PPP2R5C: variants seen among roughly 807,000 people sequenced by gnomAD.
PPP2R5C encodes serine/threonine-protein phosphatase 2A 56 kDa regulatory subunit gamma isoform.
PPP2R5C carries 7 observed loss-of-function variants against 68.9 expected under a neutral mutation model. That is an observed-to-expected ratio of 0.10 (90% CI 0.06 to 0.19). The LOEUF (loss-of-function observed/expected upper bound fraction) is 0.19, where lower values mean the gene tolerates loss of function less well. Ranked by LOEUF, PPP2R5C falls within the 10% of genes least tolerant of loss-of-function variation. The pLI, the probability that PPP2R5C is intolerant of heterozygous loss-of-function variation, is 1.00. For missense variants in PPP2R5C, 348 were observed against 641.3 expected (o/e 0.54, Z 4.94); for synonymous variants, 210 against 222.2 (o/e 0.95, Z 0.49).
At chr14:101,846,306 T>G (rs943899304) in intron 1 of PPP2R5C, among the ~76,000 whole-genome samples, 1 of 152,118 alleles carries the variant, frequency 6.6e-6, no homozygotes, top group African/African-American at 2.4e-5. Context: ...TCATCACACC[T>G]AAGGCACTGT....
At chr14:101,830,321 G>T (rs1241563969) in intron 1 of PPP2R5C, among the ~76,000 whole-genome samples, 1 of 152,172 alleles carries the variant, frequency 6.6e-6, no homozygotes, top group African/African-American at 2.4e-5. Context: ...ACTCTACACT[G>T]CTGTCTCCAG....
intron 2 of PPP2R5C, among the ~76,000 whole-genome samples, chr14:101,875,188 C>T (rs1007422811): frequency 1.3e-5 from 2 of 152,114 alleles, no homozygotes; most frequent in Admixed American, 6.6e-5. Flanking sequence ...GAGGTGAAAT[C>T]GATTCTTTGA....
intron 2 of PPP2R5C, chr14:101,765,113 C>T (rs1042421603): frequency 1.4e-6 from 1 of 702,162 alleles, no homozygotes; most frequent in Admixed American, 2.0e-5. Context: ...CCTGCAGTGC[C>T]TGAGTATGAT....
intron 1 of PPP2R5C, among the ~76,000 whole-genome samples, chr14:101,849,573 G>A (rs2042026604): frequency 8.2e-6 from 1 of 122,034 alleles, no homozygotes. Context: ...TTCTGGATAT[G>A]AGTCTATTGG....
intron 2 of PPP2R5C, among the ~76,000 whole-genome samples, chr14:101,867,544 G>A (rs1305508637): frequency 2.0e-5 from 3 of 152,176 alleles, no homozygotes; most frequent in Non-Finnish European, 4.4e-5. Context: ...TTGGGAAGCC[G>A]AGGCAGGTGG....
intron 1 of PPP2R5C, 113 bp from the exon 4 acceptor site, chr14:101,856,572 CT>C (rs1249875750): frequency 9.5e-7 from 1 of 1,051,576 alleles, no homozygotes; most frequent in Non-Finnish European, 1.4e-6. Flanking sequence ...CACCCATCTC[CT>C]TTTTTCTTGA....
chr14:101,820,410 G>C (rs1416470769), intron 1 of PPP2R5C: 1 of 152,226 alleles, frequency 6.6e-6, no homozygotes, highest in Non-Finnish European at 1.5e-5. Flanking sequence ...TGTTCTCAGT[G>C]ACCAACGAAC....
intron 1 of PPP2R5C, among the ~76,000 whole-genome samples, chr14:101,827,752 A>T (rs1411619516): frequency 6.6e-6 from 1 of 152,154 alleles, no homozygotes; most frequent in Non-Finnish European, 1.5e-5. Flanking sequence ...TAAGGAGGGC[A>T]CCCCAGACAC....
At chr14:101,792,955 G>C (rs550699820) in intron 3 of PPP2R5C, among the ~76,000 whole-genome samples, 1 of 150,958 alleles carries the variant, frequency 6.6e-6, no homozygotes, top group Non-Finnish European at 1.5e-5. Context: ...TTGGCTCCCT[G>C]CAGCCTCCGC....
At chr14:101,925,974 G>C (rs2047276019) in exon 14 of PPP2R5C, 2 of 152,576 alleles carry the variant, frequency 1.3e-5, no homozygotes, top group African/African-American at 4.8e-5. Context: ...TATTTTAAAA[G>C]AGATTGCTCT....
chr14:101,812,291 G>A (rs1029749085), intron 1 of PPP2R5C, among the ~76,000 whole-genome samples: 2 of 152,176 alleles, frequency 1.3e-5, no homozygotes, highest in Admixed American at 6.5e-5. Context: ...GCTCTGCCAC[G>A]AGAGGGCTAA....
chr14:101,792,354 A>C (rs563341240), intron 3 of PPP2R5C, among the ~76,000 whole-genome samples: 107 of 152,332 alleles, frequency 7.0e-4, no homozygotes, highest in African/African-American at 2.5e-3. Flanking sequence ...GCATCCTACC[A>C]ATGTGTATTC....
rs1236471260 is a variant in PPP2R5C, at chr14:101,882,610, C to T, written c.405+339C>T. 1 of 193,438 alleles carries T rather than the reference C, an allele frequency of 5.2e-6. No individual in the cohort carries two copies. Among genetic ancestry groups the T allele is most frequent in the Non-Finnish European group, 1.1e-5 (1 of 95,072 alleles). 12.0% of individuals were successfully genotyped at this position (193,438 alleles called of 1,614,324 possible). A position where few individuals can be genotyped will look rare whatever the true frequency, so the allele number is the denominator to read the frequency against. On this transcript the variant is annotated intron_variant, in intron 3 of 13. Coordinates refer to ENST00000334743, the Ensembl canonical transcript of PPP2R5C. The surrounding 1 kb of genome is among the most constrained non-coding windows in gnomAD (Gnocchi z 4.9). ...TCATATTTAATAGGTGCCTGCTGGGCCCCCAGGTCCTGCGCTGGCCACTGC... is the reference window on the plus strand; with the variant it reads ...TCATATTTAATAGGTGCCTGCTGGGTCCCCAGGTCCTGCGCTGGCCACTGC...
At chr14:101,787,361 G>A (rs1182238121) in intron 3 of PPP2R5C, among the ~76,000 whole-genome samples, 1 of 151,974 alleles carries the variant, frequency 6.6e-6, no homozygotes, top group African/African-American at 2.4e-5. Flanking sequence ...TTGCCAGGTG[G>A]AAGGAGGAAG....
chr14:101,784,513 G>C (rs72715638), intron 2 of PPP2R5C, among the ~76,000 whole-genome samples: 287 of 150,810 alleles, frequency 1.9e-3, no homozygotes, highest in South Asian at 9.7e-3. Context: ...GAGAAAGTGG[G>C]GGGGGGGAAC....
At chr14:101,837,888 C>T (rs1301142206) in intron 1 of PPP2R5C, among the ~76,000 whole-genome samples, 1 of 152,216 alleles carries the variant, frequency 6.6e-6, no homozygotes. Flanking sequence ...AGGGTAGGCT[C>T]AGTCACTTGC....
Position 101,762,893 on chromosome 14 carries a change from G to T in PPP2R5C, c.28-12G>T. The T allele has an allele frequency of 6.3e-7, 1 of 1,576,646 alleles. No homozygotes were observed. Among genetic ancestry groups the T allele is most frequent in the Non-Finnish European group, 8.6e-7 (1 of 1,160,076 alleles). On this transcript the variant is annotated splice_polypyrimidine_tract_variant and intron_variant, in intron 1 of 14. Transcript: ENST00000328724. ...GTGAGAAGACTAATTGACTTTGCTTGATGTTTACCAGGAATCACCAAAAGC... is the reference window on the plus strand; with the variant it reads ...GTGAGAAGACTAATTGACTTTGCTTTATGTTTACCAGGAATCACCAAAAGC...
intron 3 of PPP2R5C, among the ~76,000 whole-genome samples, chr14:101,787,683 C>T (rs573898799): frequency 1.2e-4 from 18 of 148,698 alleles, no homozygotes; most frequent in African/African-American, 3.7e-4. Flanking sequence ...GGGAGAATGG[C>T]GTGAACCCGG....
At chr14:101,921,442 A>G (rs1213664411) in intron 13 of PPP2R5C, 1 of 152,256 alleles carries the variant, frequency 6.6e-6, no homozygotes, top group African/African-American at 2.4e-5. Flanking sequence ...AAGCAAAAAG[A>G]AGGTACCAAT....
Sources: allele counts gnomAD v4.1 joint callset (sites outside exome capture counted in the v4.1 genomes callset), GRCh38; gene constraint gnomAD v4.1.1; non-coding constraint Gnocchi (gnomAD v3.1); transcripts MANE v1.5; gene names NCBI Gene and HGNC (gene_info 2026-07-23, HGNC 2026-07-21).